RBFOX1: variants seen among roughly 807,000 people sequenced by gnomAD.
RBFOX1 encodes RNA binding fox-1 homolog 1, also known as RNA binding protein fox-1 homolog 1.
In RBFOX1, 8 loss-of-function variants were observed where a neutral mutation model predicts 57.7. That is an observed-to-expected ratio of 0.14 (90% CI 0.08 to 0.25). The LOEUF (loss-of-function observed/expected upper bound fraction) is 0.25. Ranked by LOEUF, RBFOX1 falls within the 10% of genes least tolerant of loss-of-function variation. RBFOX1 has a pLI of 1.00. For synonymous variants in RBFOX1, 326 were observed against 222.4 expected, an observed-to-expected ratio of 1.47 and a Z score of -4.15; for missense variants, 611 against 548.5, an observed-to-expected ratio of 1.11 and a Z score of -1.14.
At chr16:7,081,683 T>C (rs2059226540) in intron 4 of RBFOX1, among the ~76,000 whole-genome samples, 1 of 152,228 alleles carries the variant, frequency 6.6e-6, no homozygotes, top group African/African-American at 2.4e-5. Flanking sequence ...AGTTTTATTA[T>C]TGTCTATATT....
chr16:6,502,718 T>G (rs1341850999), intron 2 of RBFOX1, among the ~76,000 whole-genome samples: 1 of 152,154 alleles, frequency 6.6e-6, no homozygotes, highest in Admixed American at 6.5e-5. Context: ...ACCGGACCCC[T>G]ATGTAGGACT....
At chr16:5,522,333 G>T (rs1245404128) in intron 2 of RBFOX1, among the ~76,000 whole-genome samples, 1 of 152,232 alleles carries the variant, frequency 6.6e-6, no homozygotes, top group East Asian at 1.9e-4. Context: ...TGTGCGTAAA[G>T]CACGTTGCAT....
chr16:7,393,260 T>C (rs1310652221), intron 4 of RBFOX1, among the ~76,000 whole-genome samples: 6 of 152,288 alleles, frequency 3.9e-5, no homozygotes, highest in East Asian at 1.9e-4. Flanking sequence ...CTATGGCCCA[T>C]GCAGGATCTC....
chr16:6,124,686 T>C (rs1299251950), intron 1 of RBFOX1, among the ~76,000 whole-genome samples: 2 of 151,928 alleles, frequency 1.3e-5, no homozygotes, highest in African/African-American at 4.8e-5. Flanking sequence ...TTGTTGTTTT[T>C]TGTTTGTTTG....
chr16:5,985,156 A>G (rs2060261728), intron 4 of RBFOX1, among the ~76,000 whole-genome samples: 1 of 150,016 alleles, frequency 6.7e-6, no homozygotes, highest in South Asian at 2.1e-4. Context: ...CGGCTCATAT[A>G]TATATATTTT....
intron 1 of RBFOX1, among the ~76,000 whole-genome samples, chr16:6,052,966 G>A (rs2095572023): frequency 1.3e-5 from 2 of 152,058 alleles, no homozygotes; most frequent in South Asian, 4.2e-4. Context: ...GTTGTTAGCA[G>A]TAATAATGTT....
At chr16:6,145,925 G>C (rs1375658295) in intron 1 of RBFOX1, among the ~76,000 whole-genome samples, 1 of 152,140 alleles carries the variant, frequency 6.6e-6, no homozygotes, top group African/African-American at 2.4e-5. Flanking sequence ...ACCTGACTGA[G>C]GATGAATTTG....
At chr16:5,775,019 C>G (rs1172254296) in intron 3 of RBFOX1, among the ~76,000 whole-genome samples, 1 of 152,064 alleles carries the variant, frequency 6.6e-6, no homozygotes, top group Non-Finnish European at 1.5e-5. Context: ...ATGGCAATCC[C>G]CTTCGCTTTT....
At chr16:6,634,015 C>T (rs530178510) in intron 2 of RBFOX1, among the ~76,000 whole-genome samples, 1 of 152,148 alleles carries the variant, frequency 6.6e-6, no homozygotes, top group African/African-American at 2.4e-5. Flanking sequence ...GACCCCATCT[C>T]AAAGAAATCC....
intron 3 of RBFOX1, among the ~76,000 whole-genome samples, chr16:5,853,350 A>G (rs2056943863): frequency 2.0e-5 from 3 of 152,126 alleles, no homozygotes; most frequent in Admixed American, 1.3e-4. Context: ...CCCCAAAGAG[A>G]GGAGAAAACA....
intron 2 of RBFOX1, among the ~76,000 whole-genome samples, chr16:6,518,728 T>C (rs1192518420): frequency 6.6e-6 from 1 of 151,878 alleles, no homozygotes; most frequent in Admixed American, 6.6e-5. Flanking sequence ...CGTCCATCCA[T>C]CCATCCATCT....
At chr16:6,716,478 A>C (rs1335016912) in intron 3 of RBFOX1, among the ~76,000 whole-genome samples, 1 of 152,248 alleles carries the variant, frequency 6.6e-6, no homozygotes, top group South Asian at 2.1e-4. Context: ...TTTTGGCTAA[A>C]TCTGTTATTA....
chr16:7,410,949 A>T (rs923099868), intron 4 of RBFOX1, among the ~76,000 whole-genome samples: 9 of 151,288 alleles, frequency 5.9e-5, no homozygotes, highest in Admixed American at 2.0e-4. Context: ...TTATTTATTT[A>T]TTTATTTATT....
At chr16:5,750,002 T>C (rs935805949) in intron 3 of RBFOX1, among the ~76,000 whole-genome samples, 5 of 152,220 alleles carry the variant, frequency 3.3e-5, no homozygotes, top group Non-Finnish European at 7.3e-5. Context: ...TGGTTTTATG[T>C]ACCTTTGGTC....
chr16:7,710,426 AT>A lies in RBFOX1; in HGVS notation c.1072-194del, dbSNP rs375062489. On this transcript the variant is annotated intron_variant, in intron 15 of 15. Transcript: ENST00000550418. ...CTGACAGAATTTGGTTTTGCAGGGA[AT>A]TTCTTTAGGAGGAGCTATTGGGGAA... The A allele has an allele frequency of 7.3e-5, 102 of 1,398,372 alleles. No individual in the cohort carries two copies. The African/African-American group carries it at 1.4e-3, about 19-fold the overall frequency. The allele number at this position is 1,398,372 out of a possible 1,614,324, so 86.6% of individuals were successfully genotyped here.
intron 4 of RBFOX1, among the ~76,000 whole-genome samples, chr16:5,953,188 C>G (rs752860129): frequency 4.7e-4 from 72 of 152,118 alleles, no homozygotes; most frequent in Non-Finnish European, 9.0e-4. Flanking sequence ...ACCAAGTGCC[C>G]TGGGGCCATG....
chr16:5,850,112 G>A (rs550179239), intron 3 of RBFOX1, among the ~76,000 whole-genome samples: 1 of 152,176 alleles, frequency 6.6e-6, no homozygotes, highest in East Asian at 1.9e-4. Flanking sequence ...CTGGGTTCTC[G>A]GAGACTCAGC....
chr16:6,797,383 G>T (rs2084317313), intron 3 of RBFOX1, among the ~76,000 whole-genome samples: 1 of 152,062 alleles, frequency 6.6e-6, no homozygotes, highest in Admixed American at 6.6e-5. Flanking sequence ...TTAACAGGTG[G>T]TCGAAAGAGA....
chr16:5,526,757 A>T (rs777311035), intron 2 of RBFOX1, among the ~76,000 whole-genome samples: 13 of 152,182 alleles, frequency 8.5e-5, no homozygotes, highest in Non-Finnish European at 1.5e-4. Flanking sequence ...CATTCTGTAA[A>T]GTACGTGACC....
Sources: allele counts gnomAD v4.1 joint callset (sites outside exome capture counted in the v4.1 genomes callset), GRCh38; gene constraint gnomAD v4.1.1; transcripts MANE v1.5; gene names NCBI Gene and HGNC (gene_info 2026-07-23, HGNC 2026-07-21).